GON4L: variants seen among roughly 807,000 people sequenced by gnomAD.
The protein encoded by GON4L is gon-4 like.
GON4L carries 87 observed loss-of-function variants against 211.8 expected under a neutral mutation model. The observed-to-expected ratio is 0.41, with a 90% CI of 0.35 to 0.49. GON4L has a LOEUF of 0.49. Ranked by LOEUF, GON4L falls within the 20% of genes least tolerant of loss-of-function variation. The pLI is 0.15. For synonymous variants in GON4L, 875 were observed against 962.6 expected (o/e 0.91, Z 1.68); for missense variants, 2,155 against 2,659.5 (o/e 0.81, Z 4.17).
At chr1:155,799,157 G>T (rs572413240) in intron 11 of GON4L, among the ~76,000 whole-genome samples, 4 of 152,186 alleles carry the variant, frequency 2.6e-5, no homozygotes, top group Non-Finnish European at 5.9e-5. Context: ...TGAAGTTGCT[G>T]GGCGTGGTGG....
At chr1:155,830,599 G>C (rs1669668564) in intron 2 of GON4L, among the ~76,000 whole-genome samples, 1 of 151,600 alleles carries the variant, frequency 6.6e-6, no homozygotes, top group Non-Finnish European at 1.5e-5. Flanking sequence ...TTTTTTTGTT[G>C]TTGCTGAGAC....
intron 31 of GON4L, among the ~76,000 whole-genome samples, chr1:155,751,375 G>GT (rs1321428711): frequency 1.3e-5 from 2 of 151,844 alleles, no homozygotes; most frequent in Non-Finnish European, 2.9e-5. Flanking sequence ...GTGAAACCCC[G>GT]TGTCTACTAA....
intron 14 of GON4L, among the ~76,000 whole-genome samples, chr1:155,778,770 T>C (rs1370352125): frequency 1.3e-5 from 2 of 152,168 alleles, no homozygotes; most frequent in African/African-American, 2.4e-5. Flanking sequence ...GTGTTCTCAT[T>C]GTTCAGCTCC....
intron 22 of GON4L, among the ~76,000 whole-genome samples, chr1:155,763,013 G>A (rs188579297): frequency 6.6e-6 from 1 of 151,390 alleles, no homozygotes. Context: ...TCCAGCCTGG[G>A]CGACAGAGCA....
chr1:155,804,439 T>C (rs1449402507), intron 11 of GON4L, among the ~76,000 whole-genome samples: 1 of 151,732 alleles, frequency 6.6e-6, no homozygotes, highest in Non-Finnish European at 1.5e-5. Flanking sequence ...GATTCAAATC[T>C]TAGCATTCAA....
intron 11 of GON4L, 124 bp from the exon 12 acceptor site, chr1:155,795,275 G>A (rs191441518): frequency 9.3e-5 from 63 of 680,102 alleles, no homozygotes; most frequent in African/African-American, 7.4e-4. Context: ...CGCCCAGGCT[G>A]GAGTGCAGTG....
intron 2 of GON4L, among the ~76,000 whole-genome samples, chr1:155,840,624 T>C (rs780571002): frequency 6.6e-6 from 1 of 152,182 alleles, no homozygotes; most frequent in Non-Finnish European, 1.5e-5. Flanking sequence ...TTACAGGGCT[T>C]TGACTCCTGG....
At chr1:155,787,538 C>A (rs1276512332) in intron 12 of GON4L, among the ~76,000 whole-genome samples, 1 of 152,024 alleles carries the variant, frequency 6.6e-6, no homozygotes, top group South Asian at 2.1e-4. Flanking sequence ...TTTAGGAGGC[C>A]GAGGCAGGCA....
intron 2 of GON4L, among the ~76,000 whole-genome samples, chr1:155,847,315 C>T (rs1336722885): frequency 6.6e-6 from 1 of 152,104 alleles, no homozygotes; most frequent in African/African-American, 2.4e-5. Flanking sequence ...GCCTGTAATC[C>T]CAGCACTTTG....
At position 155,824,434 on chromosome 1, in the gene GON4L, C is replaced by CAAAAAAAAAA. The variant is rs769823401; in HGVS notation, c.698-1968_698-1959dup. On this transcript the variant is annotated intron_variant, in intron 3 of 31. Transcript: ENST00000368331. ...GGGTGACGAGAGCAAAACTCCACAT[C>CAAAAAAAAAA]AAAAAAAAAAAAAAAAAAAAAAAAA... is the stretch of plus-strand genomic sequence containing the variant. 1.3e-3 allele frequency among the ~76,000 whole-genome samples: 10 copies of CAAAAAAAAAA among 7,440 alleles called. 1 individual carries two copies. The highest frequency in any genetic ancestry group is 3.1e-3 in the African/African-American group (6 of 1,922). The allele number at this position is 7,440 out of a possible 152,430, so 4.9% of individuals were successfully genotyped here. A position where few individuals can be genotyped will look rare whatever the true frequency, so the allele number is the denominator to read the frequency against.
intron 2 of GON4L, among the ~76,000 whole-genome samples, chr1:155,850,569 T>C (rs1048177234): frequency 6.6e-6 from 1 of 152,182 alleles, no homozygotes; most frequent in Non-Finnish European, 1.5e-5. Flanking sequence ...ATCAAGATTA[T>C]TGCTAAACTC....
At position 155,849,095 on chromosome 1, in the gene GON4L, C is replaced by A. The variant is rs369179027; in HGVS notation, c.505+4181G>T. Among the ~76,000 whole-genome samples, 63 of 138,156 alleles carry A rather than the reference C, an allele frequency of 4.6e-4. 1 individual carries two copies. The South Asian group carries it at 9.9e-3, about 22-fold the overall frequency. The allele number at this position is 138,156 out of a possible 152,430, so 90.6% of individuals were successfully genotyped here. A position where few individuals can be genotyped will look rare whatever the true frequency, so the allele number is the denominator to read the frequency against. ...CCCGGGAAGCAGAGGTTGCAGTGAGCCAAAATCATGCCACTGCCCTCCAGC... is the reference window on the plus strand; with the variant it reads ...CCCGGGAAGCAGAGGTTGCAGTGAGACAAAATCATGCCACTGCCCTCCAGC... On this transcript the variant is annotated intron_variant, in intron 2 of 31. Transcript: ENST00000368331.
intron 10 of GON4L, among the ~76,000 whole-genome samples, chr1:155,805,994 T>G (rs920377782): frequency 3.3e-5 from 5 of 150,928 alleles, no homozygotes; most frequent in South Asian, 2.1e-4. Context: ...TGGTGTTTTT[T>G]TTTTTTTTTT....
rs76781430 is a variant in GON4L, at chr1:155,778,917, A to G, written c.1893-1097T>C. Among the ~76,000 whole-genome samples, 319 of 152,118 alleles carry G rather than the reference A, an allele frequency of 2.1e-3. 1 individual carries two copies. Among genetic ancestry groups the G allele is most frequent in the Middle Eastern group, 6.8e-3 (2 of 294 alleles). Reference sequence around the variant, plus strand: ...GCTGTATAGTATTCCCTGGTGGGATACTACATTTTCTTATTTATCTACTGC... The same window carrying G: ...GCTGTATAGTATTCCCTGGTGGGATGCTACATTTTCTTATTTATCTACTGC... On this transcript the variant is annotated intron_variant, in intron 14 of 31. Coordinates refer to ENST00000368331, the MANE Select transcript of GON4L (RefSeq NM_001282860.2).
At chr1:155,792,754 CCTT>C (rs1274655950) in intron 12 of GON4L, among the ~76,000 whole-genome samples, 1 of 152,056 alleles carries the variant, frequency 6.6e-6, no homozygotes, top group Non-Finnish European at 1.5e-5. Context: ...ACCATTCTGT[CCTT>C]CTTGAAAGAC....
At chr1:155,789,526 A>G (rs1665306747) in intron 12 of GON4L, among the ~76,000 whole-genome samples, 1 of 152,136 alleles carries the variant, frequency 6.6e-6, no homozygotes, top group African/African-American at 2.4e-5. Context: ...TTGTAATCTC[A>G]GCTGGTCAGG....
chr1:155,856,582 G>C (rs1176901102), intron 1 of GON4L, among the ~76,000 whole-genome samples: 1 of 151,712 alleles, frequency 6.6e-6, no homozygotes, highest in Non-Finnish European at 1.5e-5. Flanking sequence ...GACATTAGGG[G>C]AGATTCTCCA....
At chr1:155,770,985 CTCTTT>C in intron 19 of GON4L, 77 bp downstream of exon 19, 1 of 1,575,608 alleles carries the variant, frequency 6.3e-7, no homozygotes, top group Non-Finnish European at 8.7e-7. Context: ...AAGAAGGTTC[CTCTTT>C]TCTTTGAGAA....
At chr1:155,750,870 T>G in intron 31 of GON4L, 137 bp from the exon 32 acceptor site, 1 of 766,326 alleles carries the variant, frequency 1.3e-6, no homozygotes, top group Admixed American at 2.3e-5. Flanking sequence ...TTCAAGCAAT[T>G]CTCCTGCCTC....
Sources: allele counts gnomAD v4.1 joint callset (sites outside exome capture counted in the v4.1 genomes callset), GRCh38; gene constraint gnomAD v4.1.1; transcripts MANE v1.5; gene names NCBI Gene and HGNC (gene_info 2026-07-23, HGNC 2026-07-21).